Variants in KDM1B observed in about 807,000 individuals in gnomAD.
The protein encoded by KDM1B is lysine demethylase 1B, also known as lysine-specific histone demethylase 2.
A neutral mutation model predicts 107.4 loss-of-function variants in KDM1B; 63 were observed. The observed-to-expected ratio is 0.59, with a 90% CI of 0.48 to 0.72. The LOEUF (loss-of-function observed/expected upper bound fraction) is 0.72. KDM1B is among the 30% of genes least tolerant of loss of function. KDM1B has a pLI of 0.00. For missense variants in KDM1B, 749 were observed against 1,020.8 expected (o/e 0.73, Z 3.63); for synonymous variants, 363 against 363.9 (o/e 1.00, Z 0.03).
At chr6:18,190,580 C>G (rs567348588) in intron 9 of KDM1B, among the ~76,000 whole-genome samples, 4 of 150,870 alleles carry the variant, frequency 2.7e-5, no homozygotes, top group Non-Finnish European at 5.9e-5. Flanking sequence ...CCAGCCAGGG[C>G]GACAGAGTGA....
chr6:18,185,880 T>C (rs1786821148), intron 8 of KDM1B, 70 bp downstream of exon 8: 1 of 1,369,330 alleles, frequency 7.3e-7, no homozygotes, highest in Non-Finnish European at 1.0e-6. Flanking sequence ...AAGGAAATGA[T>C]AGTAACAGCT....
At chr6:18,196,478 G>A (rs1241935824) in intron 10 of KDM1B, among the ~76,000 whole-genome samples, 1 of 151,944 alleles carries the variant, frequency 6.6e-6, no homozygotes, top group African/African-American at 2.4e-5. Flanking sequence ...TTCATCATTT[G>A]TTACCTTTTG....
chr6:18,222,914 T>A lies in KDM1B; in HGVS notation c.*922T>A, dbSNP rs1290257454. 2 of 152,640 alleles carry A rather than the reference T, an allele frequency of 1.3e-5. No homozygotes were observed. Among genetic ancestry groups the A allele is most frequent in the East Asian group, 3.8e-4 (2 of 5,202 alleles). The allele number at this position is 152,640 out of a possible 1,614,324, so 9.5% of individuals were successfully genotyped here. Reference sequence around the variant, plus strand: ...GCAGATTTTTCTTTACAGTATTCCATAGGCAGGTCCACTGGAAAACTGCAG... The same window carrying A: ...GCAGATTTTTCTTTACAGTATTCCAAAGGCAGGTCCACTGGAAAACTGCAG... On this transcript the variant is annotated 3_prime_UTR_variant, in exon 22 of 22. Transcript: ENST00000650836.
At chr6:18,216,490 C>T (rs994610382) in intron 20 of KDM1B, among the ~76,000 whole-genome samples, 4 of 152,248 alleles carry the variant, frequency 2.6e-5, no homozygotes, top group African/African-American at 7.2e-5. Flanking sequence ...CTTAGCTTAC[C>T]GTTTCTATAG....
intron 7 of KDM1B, among the ~76,000 whole-genome samples, chr6:18,177,089 C>T (rs995666416): frequency 7.9e-5 from 12 of 152,192 alleles, no homozygotes; most frequent in Admixed American, 7.9e-4. Flanking sequence ...GTGAATCCAT[C>T]TGGTCCTGGA....
intron 7 of KDM1B, among the ~76,000 whole-genome samples, chr6:18,184,736 C>T (rs374061920): frequency 9.2e-5 from 6 of 65,470 alleles, no homozygotes; most frequent in South Asian, 5.8e-4. Flanking sequence ...AGCTTTTTTC[C>T]TTTTTTTTTT....
At chr6:18,219,917 C>T (rs1789547948) in intron 21 of KDM1B, among the ~76,000 whole-genome samples, 1 of 152,158 alleles carries the variant, frequency 6.6e-6, no homozygotes, top group African/African-American at 2.4e-5. Flanking sequence ...TTTGGTGCTT[C>T]GCCCTGATCT....
Position 18,166,234 on chromosome 6 carries a change from T to G in KDM1B, c.306-33T>G, listed in dbSNP as rs1270139372. 9.9e-6 allele frequency: 10 copies of G among 1,013,524 alleles called. No individual in the cohort carries two copies. The South Asian group carries it at 1.3e-4, about 13-fold the overall frequency. 62.8% of individuals were successfully genotyped at this position (1,013,524 alleles called of 1,614,324 possible). On this transcript the variant is annotated intron_variant, in intron 5 of 21. Coordinates refer to ENST00000650836, the MANE Select transcript of KDM1B (RefSeq NM_001364614.2). ...CTGATTGCTTATAGCAATCGATATA[T>G]TAATCGATATATTAATTTTTCTTGT...
Position 18,200,553 on chromosome 6 carries a change from C to T in KDM1B, c.1336C>T (p.Pro446Ser). The change falls in exon 13 of 22, where the codon CCA (proline) becomes TCA (serine). Residue 446 changes from proline (P) to serine (S), a missense_variant. By Grantham distance (74) the Pro-to-Ser change is moderately conservative. Coordinates refer to ENST00000650836, the MANE Select transcript of KDM1B (RefSeq NM_001364614.2). The surrounding 1 kb of genome is among the most constrained non-coding windows in gnomAD (Gnocchi z 4.3). Reference protein sequence around the residue: ...AQIVNGCINNPVALMCEQLGI... With the variant: ...AQIVNGCINNSVALMCEQLGI... ...GATTGTCAATGGGTGTATTAACAAC[C>T]CAGTAGCATTAATGTGTGAACAAGT... 1 of 1,613,124 alleles carries T rather than the reference C, an allele frequency of 6.2e-7. No homozygotes were observed.
chr6:18,168,997 G>A (rs1232820731), intron 6 of KDM1B, among the ~76,000 whole-genome samples: 2 of 151,240 alleles, frequency 1.3e-5, no homozygotes, highest in Non-Finnish European at 2.9e-5. Flanking sequence ...TCTGCCACCT[G>A]AGCAGCTGGG....
intron 7 of KDM1B, among the ~76,000 whole-genome samples, chr6:18,181,815 A>G (rs1256772903): frequency 1.3e-5 from 2 of 152,230 alleles, no homozygotes; most frequent in African/African-American, 4.8e-5. Context: ...TCATGTTTCA[A>G]TTTTAGTTGA....
chr6:18,197,098 C>CCGGGGTCT lies in KDM1B; in HGVS notation c.1014_1021dup (p.Val341GlyfsTer19), dbSNP rs770093738. 1 of 1,613,988 alleles carries CCGGGGTCT rather than the reference C, an allele frequency of 6.2e-7. No individual in the cohort carries two copies. Among genetic ancestry groups the CCGGGGTCT allele is most frequent in the Admixed American group, 1.7e-5 (1 of 60,014 alleles). On this transcript the variant is annotated frameshift_variant, in exon 11 of 22. Transcript: ENST00000650836. LOFTEE classifies it high-confidence loss of function. The surrounding 1 kb of genome is among the most constrained non-coding windows in gnomAD (Gnocchi z 4.5). Reference sequence around the variant, plus strand: ...AGAAATGTATTCCTCACATCATCGTCCGGGGTCTCGTGCGTATTCGATGCG... The same window carrying CCGGGGTCT: ...AGAAATGTATTCCTCACATCATCGTCCGGGGTCTCGGGGTCTCGTGCGTATTCGATGCG...
chr6:18,197,688 A>G lies in KDM1B; in HGVS notation c.1221+27A>G. 1 of 1,560,452 alleles carries G rather than the reference A, an allele frequency of 6.4e-7. No individual in the cohort carries two copies. Among genetic ancestry groups the G allele is most frequent in the African/African-American group, 1.4e-5 (1 of 73,506 alleles). On this transcript the variant is annotated intron_variant, in intron 12 of 21. Coordinates refer to ENST00000650836, the MANE Select transcript of KDM1B (RefSeq NM_001364614.2). The surrounding 1 kb of genome is among the most constrained non-coding windows in gnomAD (Gnocchi z 4.5). Reference sequence around the variant, plus strand: ...TAGGATTTTGGGGACATGGAGTTAGAACAGATGGTTGACTGCTCCTTTTGG... The same window carrying G: ...TAGGATTTTGGGGACATGGAGTTAGGACAGATGGTTGACTGCTCCTTTTGG...
intron 21 of KDM1B, among the ~76,000 whole-genome samples, chr6:18,219,852 G>A (rs1001039316): frequency 9.9e-5 from 15 of 152,208 alleles, no homozygotes; most frequent in East Asian, 3.8e-4. Context: ...CACTGTGGGC[G>A]CTGGAAGCTT....
intron 7 of KDM1B, among the ~76,000 whole-genome samples, chr6:18,184,930 G>T (rs1379616040): frequency 6.6e-6 from 1 of 151,392 alleles, no homozygotes; most frequent in Non-Finnish European, 1.5e-5. Context: ...GAGATGGGGG[G>T]TGTTACCCAG....
intron 15 of KDM1B, among the ~76,000 whole-genome samples, 189 bp from the exon 16 acceptor site, chr6:18,207,209 C>T (rs756872217): frequency 6.6e-6 from 1 of 152,144 alleles, no homozygotes; most frequent in African/African-American, 2.4e-5. Context: ...CTTTTGTTCT[C>T]AAATAAACTT....
At chr6:18,175,197 G>GTATC (rs1317283405) in intron 7 of KDM1B, among the ~76,000 whole-genome samples, 4 of 152,188 alleles carry the variant, frequency 2.6e-5, no homozygotes, top group African/African-American at 9.7e-5. Flanking sequence ...GAGTAAGGTG[G>GTATC]TATCACATTG....
intron 6 of KDM1B, among the ~76,000 whole-genome samples, chr6:18,171,112 A>T (rs753316235): frequency 6.6e-6 from 1 of 152,116 alleles, no homozygotes; most frequent in African/African-American, 2.4e-5. Context: ...GAGCCACTGC[A>T]CCTGGCCTAG....
intron 7 of KDM1B, among the ~76,000 whole-genome samples, chr6:18,175,155 G>T (rs548150166): frequency 6.6e-6 from 1 of 152,184 alleles, no homozygotes; most frequent in East Asian, 1.9e-4. Flanking sequence ...ATCTACTGTG[G>T]TTTGATATTT....
Sources: allele counts gnomAD v4.1 joint callset (sites outside exome capture counted in the v4.1 genomes callset), GRCh38; gene constraint gnomAD v4.1.1; non-coding constraint Gnocchi (gnomAD v3.1); transcripts MANE v1.5; gene names NCBI Gene and HGNC (gene_info 2026-07-23, HGNC 2026-07-21).